The following NCOA1 variants were observed in gnomAD, a reference collection of about 807,000 sequenced individuals.
The protein encoded by NCOA1 is Hin-2 protein.
Under a neutral mutation model 150.9 loss-of-function variants are expected in NCOA1, and 35 were observed. That is an observed-to-expected ratio of 0.23 (90% CI 0.18 to 0.31). The LOEUF (loss-of-function observed/expected upper bound fraction) is 0.31, where lower values mean the gene tolerates loss of function less well. Ranked by LOEUF, NCOA1 falls within the 10% of genes least tolerant of loss-of-function variation. The pLI, the probability that NCOA1 is intolerant of heterozygous loss-of-function variation, is 1.00. For missense variants in NCOA1, 1,491 were observed against 1,749.3 expected (o/e 0.85, Z 2.63); for synonymous variants, 590 against 630.0 (o/e 0.94, Z 0.95).
At chr2:24,749,389 T>G (rs921522972) in intron 19 of NCOA1, among the ~76,000 whole-genome samples, 5 of 152,180 alleles carry the variant, frequency 3.3e-5, no homozygotes, top group Admixed American at 2.6e-4. Context: ...GAGGGTCCCA[T>G]TCAAGTCTTC....
intron 10 of NCOA1, among the ~76,000 whole-genome samples, chr2:24,697,213 T>C (rs1278015019): frequency 3.3e-5 from 5 of 152,218 alleles, no homozygotes; most frequent in African/African-American, 1.2e-4. Context: ...CAACAAAGGT[T>C]AGAAAGGAAA....
chr2:24,530,730 C>T (rs1316281277), intron 1 of NCOA1, among the ~76,000 whole-genome samples: 1 of 152,112 alleles, frequency 6.6e-6, no homozygotes, highest in Non-Finnish European at 1.5e-5. Flanking sequence ...GTGTATAAGA[C>T]CTTTGCAAAT....
At chr2:24,580,128 G>C (rs950423377) in intron 2 of NCOA1, among the ~76,000 whole-genome samples, 5 of 152,176 alleles carry the variant, frequency 3.3e-5, no homozygotes, top group Middle Eastern at 3.4e-3. Flanking sequence ...TTCTCTTATA[G>C]GTAAATTATC....
intron 7 of NCOA1, among the ~76,000 whole-genome samples, chr2:24,679,640 TCAAGG>T (rs888929007): frequency 5.3e-5 from 8 of 152,312 alleles, no homozygotes; most frequent in Admixed American, 4.6e-4. Context: ...TATATAAACT[TCAAGG>T]TAAGTAAATG....
chr2:24,745,218 G>T (rs867087700), intron 19 of NCOA1, among the ~76,000 whole-genome samples: 10 of 147,324 alleles, frequency 6.8e-5, no homozygotes, highest in Middle Eastern at 3.4e-3. Flanking sequence ...CTGGAGTGCA[G>T]TGGCGTGATC....
At chr2:24,719,877 C>A (rs1013772901) in intron 14 of NCOA1, among the ~76,000 whole-genome samples, 3 of 152,002 alleles carry the variant, frequency 2.0e-5, no homozygotes, top group African/African-American at 4.8e-5. Context: ...ATTCTAGAAC[C>A]GCTGACAAAT....
intron 3 of NCOA1, among the ~76,000 whole-genome samples, chr2:24,606,491 C>A (rs1449618922): frequency 6.6e-6 from 1 of 152,232 alleles, no homozygotes; most frequent in African/African-American, 2.4e-5. Context: ...CCCGCCTCAG[C>A]CTCCCAAAGT....
chr2:24,672,764 T>C (rs1426795315), intron 6 of NCOA1, among the ~76,000 whole-genome samples: 4 of 152,208 alleles, frequency 2.6e-5, no homozygotes, highest in Non-Finnish European at 4.4e-5. Context: ...ATTTGGCTTT[T>C]GGTTAACTAG....
chr2:24,566,824 G>T (rs1046248304), intron 2 of NCOA1, among the ~76,000 whole-genome samples: 1 of 152,248 alleles, frequency 6.6e-6, no homozygotes, highest in African/African-American at 2.4e-5. Context: ...CCTCAACTTT[G>T]CTCCGAGATT....
chr2:24,579,059 T>C (rs1372762620), intron 2 of NCOA1, among the ~76,000 whole-genome samples: 1 of 152,158 alleles, frequency 6.6e-6, no homozygotes, highest in Non-Finnish European at 1.5e-5. Context: ...GTATTTTTTT[T>C]TAATGAACAA....
chr2:24,704,658 A>C (rs1208094944), intron 11 of NCOA1, among the ~76,000 whole-genome samples: 1 of 152,102 alleles, frequency 6.6e-6, no homozygotes, highest in Non-Finnish European at 1.5e-5. Context: ...CTGTAGTCCC[A>C]GCTACTTGGA....
chr2:24,607,840 T>A (rs974254061), intron 3 of NCOA1, among the ~76,000 whole-genome samples: 3 of 152,190 alleles, frequency 2.0e-5, no homozygotes, highest in African/African-American at 7.2e-5. Context: ...TTCTTTGAGT[T>A]TGGTAAAACT....
chr2:24,645,769 A>C (rs763331709), intron 4 of NCOA1, among the ~76,000 whole-genome samples: 21 of 152,066 alleles, frequency 1.4e-4, no homozygotes, highest in Non-Finnish European at 2.4e-4. Flanking sequence ...AGCATATCGG[A>C]TTTTGGACTT....
intron 1 of NCOA1, among the ~76,000 whole-genome samples, chr2:24,511,567 A>G (rs1390968502): frequency 6.6e-6 from 1 of 152,116 alleles, no homozygotes; most frequent in Non-Finnish European, 1.5e-5. Flanking sequence ...TTATTTTAAA[A>G]TTGTGTTGTC....
intron 3 of NCOA1, among the ~76,000 whole-genome samples, chr2:24,634,562 A>G (rs763522149): frequency 3.9e-5 from 6 of 152,196 alleles, no homozygotes; most frequent in Non-Finnish European, 8.8e-5. Context: ...TCAGAAGTAG[A>G]TAATGAAGAC....
intron 19 of NCOA1, among the ~76,000 whole-genome samples, chr2:24,746,841 G>A (rs1403896058): frequency 2.0e-5 from 3 of 152,078 alleles, no homozygotes; most frequent in East Asian, 3.9e-4. Flanking sequence ...AGAGTGAACC[G>A]TAATGTAACC....
At chr2:24,509,380 T>A (rs989648877) in intron 1 of NCOA1, among the ~76,000 whole-genome samples, 1 of 152,224 alleles carries the variant, frequency 6.6e-6, no homozygotes, top group African/African-American at 2.4e-5. Flanking sequence ...TACAAATAGC[T>A]GCCTTATCTA....
intron 7 of NCOA1, among the ~76,000 whole-genome samples, chr2:24,677,907 A>G (rs1671992801): frequency 6.6e-6 from 1 of 152,060 alleles, no homozygotes; most frequent in Non-Finnish European, 1.5e-5. Context: ...TCCGGGGTAC[A>G]TGTGTAGGAT....
rs138076642 is a variant in NCOA1 at position 24,607,682 on chromosome 2, T to A, written c.-175+23122T>A. 7.0e-3 allele frequency among the ~76,000 whole-genome samples: 1,056 copies of A among 151,708 alleles called. 12 individuals are homozygous for A. The highest frequency in any genetic ancestry group is 0.024 in the African/African-American group (996 of 41,336). On this transcript the variant is annotated intron_variant, in intron 3 of 22. Transcript: ENST00000348332. The stretch of plus-strand genomic sequence containing the variant: ...TCCAGCCTGGATGACAGAGCGAGAC[T>A]CTTGTCTAAAAAAAAAAAAAGTGAG...
Sources: allele counts gnomAD v4.1 joint callset (sites outside exome capture counted in the v4.1 genomes callset), GRCh38; gene constraint gnomAD v4.1.1; transcripts MANE v1.5; gene names NCBI Gene and HGNC (gene_info 2026-07-23, HGNC 2026-07-21).